Variants in NOM1 observed in about 807,000 individuals in gnomAD.
NOM1 encodes the protein nucleolar MIF4G domain-containing protein 1.
NOM1 carries 58 observed loss-of-function variants against 73.3 expected under a neutral mutation model. The ratio of observed to expected loss-of-function variants is 0.79; its 90% CI spans 0.64 to 0.99. The LOEUF (loss-of-function observed/expected upper bound fraction) is 0.99, where lower values mean the gene tolerates loss of function less well. NOM1 is among the 50% of genes least tolerant of loss of function. The pLI is 0.00. For missense variants in NOM1, 1,226 were observed against 1,131.9 expected (o/e 1.08, Z -1.19); for synonymous variants, 487 against 446.8 (o/e 1.09, Z -1.14).
chr7:156,952,643 C>T, intron 2 of NOM1, 45 bp downstream of exon 2: 1 of 1,583,304 alleles, frequency 6.3e-7, no homozygotes, highest in Non-Finnish European at 8.6e-7. Context: ...GAGAGGTTGT[C>T]TGTTTCCTAA....
chr7:156,960,208 C>A, intron 4 of NOM1, 34 bp downstream of exon 4: 2 of 1,551,520 alleles, frequency 1.3e-6, no homozygotes, highest in Non-Finnish European at 1.8e-6. Flanking sequence ...CTTCCTAAGT[C>A]CCTAAAGCTC....
In NOM1 at chr7:156,950,738, A is replaced by G. The variant is rs1321955932; in HGVS notation, c.987+14A>G. On this transcript the variant is annotated intron_variant, in intron 1 of 10. Coordinates refer to ENST00000275820, the MANE Select transcript of NOM1 (RefSeq NM_138400.2). ...ATAACGGATAAGGTATCGTGTGAACACTCTCTAGGCCCTCTGGGATTTCCT... is the reference window on the plus strand; with the variant it reads ...ATAACGGATAAGGTATCGTGTGAACGCTCTCTAGGCCCTCTGGGATTTCCT... The G allele has an allele frequency of 3.2e-6, 5 of 1,546,476 alleles. No individual in the cohort carries two copies. In the African/African-American group the frequency reaches 4.1e-5, roughly 13 times the overall value.
intron 2 of NOM1, 104 bp downstream of exon 2, chr7:156,952,702 G>T: frequency 7.9e-7 from 1 of 1,261,000 alleles, no homozygotes; most frequent in Non-Finnish European, 1.1e-6. Flanking sequence ...GGGGACAGTC[G>T]ATTGGATCCT....
chr7:156,950,647 AG>A lies in NOM1; in HGVS notation c.915del (p.Lys306ArgfsTer21). ...GGAAAAGGGAGCGCAGGAGAAAAGGAGGGGGAAGAGAGTCCGTTTTGCAGAA... is the reference window on the plus strand; with the variant it reads ...GGAAAAGGGAGCGCAGGAGAAAAGGAGGGGAAGAGAGTCCGTTTTGCAGAA... The part of the protein sequence containing the change: ...EKEKGAQEKR[R>X]GKRVRFAEDE... On this transcript the variant is annotated frameshift_variant, in exon 1 of 11. Coordinates refer to ENST00000275820, the MANE Select transcript of NOM1 (RefSeq NM_138400.2). LOFTEE classifies it high-confidence loss of function. The A allele has an allele frequency of 1.3e-6, 2 of 1,553,856 alleles. No homozygotes were observed. The highest frequency in any genetic ancestry group is 1.4e-5 in the African/African-American group (1 of 73,200).
intron 6 of NOM1, chr7:156,963,569 C>T (rs1304478790): frequency 5.3e-6 from 2 of 379,548 alleles, no homozygotes; most frequent in Non-Finnish European, 9.8e-6. Context: ...TCGTTATCCC[C>T]TCATGTCCTT....
intron 3 of NOM1, 107 bp downstream of exon 3, chr7:156,954,405 G>T: frequency 1.1e-6 from 1 of 901,612 alleles, no homozygotes. Context: ...TTCTTGTGTC[G>T]ATTCCTTTTT....
chr7:156,953,958 G>T, intron 2 of NOM1, 145 bp from the exon 3 acceptor site: 1 of 632,316 alleles, frequency 1.6e-6, no homozygotes, highest in Non-Finnish European at 2.7e-6. Flanking sequence ...GGTTATTGGG[G>T]CAAGATAAGA....
At chr7:156,955,926 C>G (rs1291991335) in intron 3 of NOM1, among the ~76,000 whole-genome samples, 1 of 152,166 alleles carries the variant, frequency 6.6e-6, no homozygotes, top group Non-Finnish European at 1.5e-5. Flanking sequence ...CGCGGTGGCT[C>G]ACTCGTGTAA....
chr7:156,971,923 TAAGAG>T lies in NOM1; in HGVS notation c.*2226_*2230del, dbSNP rs1307360373. The T allele has an allele frequency of 6.6e-6, 1 of 152,270 alleles. No homozygotes were observed. Among genetic ancestry groups the T allele is most frequent in the Non-Finnish European group, 1.5e-5 (1 of 68,046 alleles). The allele number at this position is 152,270 out of a possible 1,614,324, so 9.4% of individuals were successfully genotyped here. ...AGAGGACAAATAAGGTGACAGGTAC[TAAGAG>T]AAGAGTGAATTAAGTGAAAATCTTC... is the stretch of plus-strand genomic sequence containing the variant. On this transcript the variant is annotated 3_prime_UTR_variant, in exon 11 of 11. Transcript: ENST00000275820.
At position 156,956,570 on chromosome 7, in the gene NOM1, G is replaced by A. The variant is rs576968212; in HGVS notation, c.1308+2272G>A. Among the ~76,000 whole-genome samples the A allele has an allele frequency of 1.2e-3, 189 of 152,298 alleles. 1 individual carries two copies. The highest frequency in any genetic ancestry group is 4.5e-3 in the African/African-American group (185 of 41,564). The stretch of plus-strand genomic sequence containing the variant: ...AATGTTCTGATCCACATTTTTCCAT[G>A]TCTAGCAGTAGTTGCATGGTGGCAG... On this transcript the variant is annotated intron_variant, in intron 3 of 10. Transcript: ENST00000275820.
At position 156,950,491 on chromosome 7, in the gene NOM1, GAGAGTGACTCCCAGGACGA is replaced by G; in HGVS notation, c.756_774del (p.Ser253ValfsTer9). ...ACAGACACTCCCCGAAAGTGACTTA[GAGAGTGACTCCCAGGACGA>G]AAGTGAGGAGGAGGAGGAGGGAGAC... On this transcript the variant is annotated frameshift_variant, in exon 1 of 11. Transcript: ENST00000275820. LOFTEE classifies it high-confidence loss of function. 6.2e-7 allele frequency: 1 copy of G among 1,614,016 alleles called. No individual in the cohort carries two copies. Among genetic ancestry groups the G allele is most frequent in the Non-Finnish European group, 8.5e-7 (1 of 1,179,888 alleles).
rs183672605 is a variant in NOM1, at chr7:156,967,546, C to T, written c.2298+454C>T. On this transcript the variant is annotated intron_variant, in intron 9 of 10. Coordinates refer to ENST00000275820, the MANE Select transcript of NOM1 (RefSeq NM_138400.2). ...AAACACAGACATCTTTTTTCTTCCC[C>T]CCCCAAGATGGGAGTTGCTCTGTCA... Among the ~76,000 whole-genome samples, 908 of 152,122 alleles carry T rather than the reference C, an allele frequency of 6.0e-3. 10 individuals carry two copies. The highest frequency in any genetic ancestry group is 0.02 in the African/African-American group (842 of 41,492).
rs901445236 is a variant in NOM1 at position 156,969,892 on chromosome 7, A to G, written c.*189A>G. On this transcript the variant is annotated 3_prime_UTR_variant, in exon 11 of 11. Transcript: ENST00000275820. ...TATTTCAAGCCATTTTCAAATAACT[A>G]TCTTGGGGGTGAGAGGAGAAGGAGG... 7 of 501,768 alleles carry G rather than the reference A, an allele frequency of 1.4e-5. No individual in the cohort carries two copies. Among genetic ancestry groups the G allele is most frequent in the Middle Eastern group, 5.7e-4 (1 of 1,744 alleles). 31.1% of individuals were successfully genotyped at this position (501,768 alleles called of 1,614,324 possible). A position where few individuals can be genotyped will look rare whatever the true frequency, so the allele number is the denominator to read the frequency against.
chr7:156,967,681 C>T (rs148564720), intron 9 of NOM1, among the ~76,000 whole-genome samples: 96 of 152,316 alleles, frequency 6.3e-4, no homozygotes, highest in African/African-American at 2.2e-3. Flanking sequence ...CATGCCACCA[C>T]GCCCAGCTAA....
intron 9 of NOM1, among the ~76,000 whole-genome samples, chr7:156,967,833 C>T (rs924797664): frequency 2.0e-5 from 3 of 152,066 alleles, no homozygotes; most frequent in African/African-American, 4.8e-5. Context: ...GAAACCTAGA[C>T]ATCTTACCAG....
In NOM1 at chr7:156,966,416, G is replaced by C; in HGVS notation, c.2166+14G>C. The C allele has an allele frequency of 6.2e-7, 1 of 1,613,898 alleles. No homozygotes were observed. The highest frequency in any genetic ancestry group is 8.5e-7 in the Non-Finnish European group (1 of 1,180,008). On this transcript the variant is annotated intron_variant, in intron 8 of 10. Coordinates refer to ENST00000275820, the MANE Select transcript of NOM1 (RefSeq NM_138400.2). ...AGGAGATTTCAGGTAGCTTAGTGCG[G>C]AGGCACCAGTTACGTCCGCTCTACT...
intron 2 of NOM1, among the ~76,000 whole-genome samples, chr7:156,953,279 G>T (rs1051181501): frequency 4.6e-5 from 7 of 152,086 alleles, no homozygotes; most frequent in African/African-American, 1.7e-4. Flanking sequence ...ACAGGCATGC[G>T]CCACCACGCC....
At chr7:156,950,876 T>G in intron 1 of NOM1, 152 bp downstream of exon 1, 1 of 707,766 alleles carries the variant, frequency 1.4e-6, no homozygotes, top group Non-Finnish European at 2.3e-6. Context: ...CTATTCGGTC[T>G]TCTTTCATGT....
At position 156,950,531 on chromosome 7, in the gene NOM1, G is replaced by T; in HGVS notation, c.794G>T (p.Gly265Val). 1 of 1,613,882 alleles carries T rather than the reference G, an allele frequency of 6.2e-7. No individual in the cohort carries two copies. The highest frequency in any genetic ancestry group is 8.5e-7 in the Non-Finnish European group (1 of 1,179,830). The change falls in exon 1 of 11, where the codon GGA becomes GTA. Residue 265 changes from glycine to valine, a missense_variant. Physicochemically the swap from Gly to Val is moderately radical, Grantham distance 109. Coordinates refer to ENST00000275820, the MANE Select transcript of NOM1 (RefSeq NM_138400.2). Reference protein sequence around the residue: ...SQDESEEEEEGDVEKEKKAQE... With the variant: ...SQDESEEEEEVDVEKEKKAQE... ...GACGAAAGTGAGGAGGAGGAGGAGG[G>T]AGACGTAGAAAAGGAAAAGAAGGCG...
Sources: allele counts gnomAD v4.1 joint callset (sites outside exome capture counted in the v4.1 genomes callset), GRCh38; gene constraint gnomAD v4.1.1; transcripts MANE v1.5; gene names NCBI Gene and HGNC (gene_info 2026-07-23, HGNC 2026-07-21).